The following MEIS3 variants were observed in gnomAD, a reference collection of about 807,000 sequenced individuals.
The protein encoded by MEIS3 is Meis homeobox 3.
In MEIS3, 38 loss-of-function variants were observed where a neutral mutation model predicts 51.4. The ratio of observed to expected loss-of-function variants is 0.74; its 90% CI spans 0.57 to 0.97. The LOEUF is 0.97. Among genes scored for constraint, MEIS3 ranks in the 50% least tolerant of loss-of-function variants. The probability of loss-of-function intolerance (pLI) is 0.00; values close to 1 mark genes in which losing one functional copy is unlikely to be tolerated. For synonymous variants in MEIS3, 198 were observed against 201.8 expected (o/e 0.98, Z 0.16); for missense variants, 456 against 502.6 (o/e 0.91, Z 0.89).
chr19:47,410,718 A>G (rs1045868922), intron 6 of MEIS3, among the ~76,000 whole-genome samples: 1 of 152,008 alleles, frequency 6.6e-6, no homozygotes, highest in Non-Finnish European at 1.5e-5. Flanking sequence ...GTGAGCCGAG[A>G]TCACACCAAT....
At chr19:47,417,795 G>C (rs368932424) in intron 1 of MEIS3, 2 of 629,878 alleles carry the variant, frequency 3.2e-6, no homozygotes, top group Non-Finnish European at 5.7e-6. Flanking sequence ...GCAGATAAGC[G>C]CATCAGAGTA....
upstream of MEIS3, among the ~76,000 whole-genome samples, chr19:47,421,424 G>A (rs1298355873): frequency 6.6e-6 from 1 of 152,136 alleles, no homozygotes; most frequent in African/African-American, 2.4e-5. Context: ...GTGGTCCCCA[G>A]GATCCCCTCT....
upstream of MEIS3, among the ~76,000 whole-genome samples, chr19:47,420,975 T>TCTCTCTCTCTCTCTCTC (rs1568434395): frequency 1.3e-3 from 101 of 79,092 alleles, no homozygotes; most frequent in African/African-American, 5.2e-3. Flanking sequence ...CTCTCTCTCT[T>TCTCTCTCTCTCTCTCTC]CCTGGCTGTC....
At chr19:47,407,691 G>C (rs1159333498) in intron 8 of MEIS3, 18 of 780,670 alleles carry the variant, frequency 2.3e-5, no homozygotes, top group Non-Finnish European at 3.3e-5. Flanking sequence ...ACTGTGTTGG[G>C]GGAGGGGGCT....
intron 12 of MEIS3, among the ~76,000 whole-genome samples, chr19:47,404,069 T>G (rs1383041102): frequency 1.3e-5 from 2 of 151,986 alleles, no homozygotes; most frequent in African/African-American, 4.8e-5. Context: ...CCAGGTATGG[T>G]GGCGCACGCC....
chr19:47,416,948 G>T lies in MEIS3; in HGVS notation c.201C>A (p.Pro67=), dbSNP rs781072573. The T allele has an allele frequency of 2.5e-6, 4 of 1,589,806 alleles. No homozygotes were observed. The Admixed American group carries it at 5.4e-5, about 22-fold the overall frequency. The change falls in exon 3 of 13, where the codon CCC becomes CCA. Residue 67 remains proline (P), a synonymous_variant. Coordinates refer to ENST00000558555, the MANE Select transcript of MEIS3 (RefSeq NM_001301059.2). ...KDEIYGHPLF[P]LLALVFEKCE... is the part of the protein sequence containing the mutation. ...ATTTCTCAAAGACCAGGGCCAAGAGGGGGAAGAGCGGGTGTCTGGGGAGGC... is the reference window on the plus strand; with the variant it reads ...ATTTCTCAAAGACCAGGGCCAAGAGTGGGAAGAGCGGGTGTCTGGGGAGGC...
intron 6 of MEIS3, among the ~76,000 whole-genome samples, chr19:47,412,690 T>C (rs1419114766): frequency 2.0e-5 from 3 of 152,130 alleles, no homozygotes; most frequent in Non-Finnish European, 4.4e-5. Flanking sequence ...GCCTCCTGAG[T>C]AGCTGGGATC....
At chr19:47,405,225 T>C (rs1301305874) in intron 12 of MEIS3, among the ~76,000 whole-genome samples, 1 of 152,206 alleles carries the variant, frequency 6.6e-6, no homozygotes, top group Non-Finnish European at 1.5e-5. Context: ...TTGTAAGGAC[T>C]AAATGAGAAG....
At chr19:47,405,609 G>C (rs1970778210) in intron 12 of MEIS3, among the ~76,000 whole-genome samples, 1 of 149,780 alleles carries the variant, frequency 6.7e-6, no homozygotes, top group African/African-American at 2.5e-5. Context: ...TTATTGCCCA[G>C]GTTGATCTTG....
intron 6 of MEIS3, among the ~76,000 whole-genome samples, chr19:47,409,951 C>T (rs1480072476): frequency 6.6e-6 from 1 of 152,088 alleles, no homozygotes; most frequent in Non-Finnish European, 1.5e-5. Flanking sequence ...TGCCTCCTTC[C>T]TAGCTGTGTG....
At chr19:47,420,940 A>ACACACTCTCTCT (rs1187725467), upstream of MEIS3, among the ~76,000 whole-genome samples, 185 of 90,874 alleles carry the variant, frequency 2.0e-3, 1 homozygote, top group South Asian at 3.8e-3. Context: ...ACACACACAC[A>ACACACTCTCTCT]CTCTCTCTCT....
intron 1 of MEIS3, 185 bp downstream of exon 1, chr19:47,418,885 A>T: frequency 2.5e-6 from 1 of 394,478 alleles, no homozygotes; most frequent in Non-Finnish European, 4.4e-6. Context: ...CCAGGAAGAG[A>T]CACTTGGGGG....
At chr19:47,407,310 T>TCTCGCCCCGGGCC in intron 9 of MEIS3, 42 bp downstream of exon 9, 1 of 1,590,704 alleles carries the variant, frequency 6.3e-7, no homozygotes, top group Non-Finnish European at 8.6e-7. Context: ...GCGCCCGGGC[T>TCTCGCCCCGGGCC]CTCGCCCCGG....
intron 6 of MEIS3, 78 bp from the exon 7 acceptor site, chr19:47,409,625 A>G: frequency 1.1e-6 from 1 of 900,628 alleles, no homozygotes. Context: ...GCACTTTGGG[A>G]GGCCAAGGCA....
At position 47,409,858 on chromosome 19, in the gene MEIS3, G is replaced by A. The variant is rs368552784; in HGVS notation, c.598-311C>T. Among the ~76,000 whole-genome samples the A allele has an allele frequency of 8.6e-3, 1,100 of 128,250 alleles. 14 individuals carry two copies. Among genetic ancestry groups the A allele is most frequent in the African/African-American group, 0.029 (1,006 of 34,750 alleles). 84.1% of individuals were successfully genotyped at this position (128,250 alleles called of 152,430 possible). ...AGCCTGGGTGACAGAGCAAGACTCC[G>A]TGTCAAAAAAAAAAAAAAAGTTAGT... On this transcript the variant is annotated intron_variant, in intron 6 of 12. Transcript: ENST00000558555.
intron 6 of MEIS3, among the ~76,000 whole-genome samples, chr19:47,413,204 C>G (rs1249632310): frequency 6.6e-6 from 1 of 151,794 alleles, no homozygotes; most frequent in Non-Finnish European, 1.5e-5. Flanking sequence ...CGAGGCCAGC[C>G]TGGCCAACAT....
upstream of MEIS3, among the ~76,000 whole-genome samples, chr19:47,420,940 A>ACACACTCTCTCTCTCTCTCT (rs1187725467): frequency 2.2e-5 from 2 of 90,998 alleles, no homozygotes; most frequent in Admixed American, 1.1e-4. Flanking sequence ...ACACACACAC[A>ACACACTCTCTCTCTCTCTCT]CTCTCTCTCT....
At position 47,407,136 on chromosome 19, in the gene MEIS3, A is replaced by AC. The variant is rs1193231192; in HGVS notation, c.936dup (p.Phe313ValfsTer3). The stretch of plus-strand genomic sequence containing the variant: ...ACGATGCGTCTCCGGGCGTTAATGA[A>AC]CCTGGGAGGCGGTCATGGAAACGGA... On this transcript the variant is annotated frameshift_variant and splice_region_variant, in exon 10 of 13. Transcript: ENST00000558555. LOFTEE classifies it high-confidence loss of function. The AC allele has an allele frequency of 6.2e-7, 1 of 1,609,224 alleles. No individual in the cohort carries two copies.
In MEIS3 at chr19:47,406,473, G is replaced by A. The variant is rs773104917; in HGVS notation, c.*4C>T. 4.3e-6 allele frequency: 7 copies of A among 1,613,382 alleles called. No individual in the cohort carries two copies. The highest frequency in any genetic ancestry group is 3.4e-6 in the Non-Finnish European group (4 of 1,179,674). On this transcript the variant is annotated 3_prime_UTR_variant, in exon 12 of 13. Coordinates refer to ENST00000558555, the MANE Select transcript of MEIS3 (RefSeq NM_001301059.2). ...AGACCCTCACACCTCTCCTGCATCA[G>A]CCTCTATAGATAATGCCATTCTCCT...
Sources: gnomAD v4.1 joint callset for allele counts (sites outside exome capture counted in the v4.1 genomes callset) on GRCh38, gnomAD v4.1.1 for gene constraint, MANE v1.5 for transcripts, NCBI Gene and HGNC (gene_info 2026-07-23, HGNC 2026-07-21) for gene names.